The following SPATA16 variants were observed in gnomAD, a reference collection of about 807,000 sequenced individuals.
SPATA16 encodes the protein spermatogenesis associated 16, also known as spermatogenesis-associated protein 16.
SPATA16 carries 36 observed loss-of-function variants against 63.3 expected under a neutral mutation model. The observed-to-expected ratio is 0.57, with a 90% CI of 0.44 to 0.75. The LOEUF (loss-of-function observed/expected upper bound fraction) is 0.75, where lower values mean the gene tolerates loss of function less well. Ranked by LOEUF, SPATA16 falls within the 30% of genes least tolerant of loss-of-function variation. The pLI, the probability that SPATA16 is intolerant of heterozygous loss-of-function variation, is 0.00. For synonymous variants in SPATA16, 203 were observed against 216.7 expected (o/e 0.94, Z 0.56); for missense variants, 646 against 679.3 (o/e 0.95, Z 0.54).
intron 1 of SPATA16, among the ~76,000 whole-genome samples, chr3:173,128,996 T>G (rs1560133477): frequency 6.6e-6 from 1 of 152,254 alleles, no homozygotes; most frequent in Non-Finnish European, 1.5e-5. Flanking sequence ...CATTAGCTGT[T>G]GATGCTAAAG....
At chr3:172,896,977 G>T (rs2109542966) in intron 10 of SPATA16, among the ~76,000 whole-genome samples, 2 of 151,844 alleles carry the variant, frequency 1.3e-5, no homozygotes, top group South Asian at 4.2e-4. Context: ...AAACTTTTAT[G>T]GATTGTGCTT....
chr3:173,101,940 T>C (rs1029256764), intron 2 of SPATA16, among the ~76,000 whole-genome samples: 2 of 152,204 alleles, frequency 1.3e-5, no homozygotes, highest in Admixed American at 6.5e-5. Context: ...GTAACCACCC[T>C]GTCATCATTA....
At chr3:172,891,705 C>G (rs1298001141) in intron 10 of SPATA16, among the ~76,000 whole-genome samples, 1 of 152,162 alleles carries the variant, frequency 6.6e-6, no homozygotes, top group East Asian at 1.9e-4. Context: ...TGGGACATCT[C>G]TCAATTATCT....
chr3:173,131,665 G>A lies in SPATA16; in HGVS notation c.-19+9438C>T, dbSNP rs371286844. ...GAAAATAAAATTTTTGCGGTCTTAC[G>A]AGACAAGGATCCACAGGAGAAAGGG... On this transcript the variant is annotated intron_variant, in intron 1 of 10. Transcript: ENST00000351008. Among the ~76,000 whole-genome samples the A allele has an allele frequency of 8.5e-5, 13 of 152,292 alleles. 1 individual carries two copies. The East Asian group carries it at 1.3e-3, about 16-fold the overall frequency.
intron 4 of SPATA16, among the ~76,000 whole-genome samples, chr3:173,014,333 A>C (rs75399343): frequency 0.012 from 1,785 of 152,342 alleles, 15 homozygotes; most frequent in Non-Finnish European, 0.016. Flanking sequence ...TAACATAGGA[A>C]TAGAAAACCA....
intron 10 of SPATA16, among the ~76,000 whole-genome samples, chr3:172,907,381 G>A (rs547759291): frequency 6.6e-6 from 1 of 152,166 alleles, no homozygotes; most frequent in East Asian, 1.9e-4. Flanking sequence ...TGCAATAACC[G>A]ACTAACTCAT....
At chr3:172,906,144 C>CT (rs1173343620) in intron 10 of SPATA16, among the ~76,000 whole-genome samples, 2 of 151,884 alleles carry the variant, frequency 1.3e-5, no homozygotes, top group Non-Finnish European at 2.9e-5. Flanking sequence ...ACAGTTGGTG[C>CT]TTTTTTTTAA....
intron 2 of SPATA16, among the ~76,000 whole-genome samples, chr3:173,109,452 T>A (rs960944702): frequency 4.6e-5 from 7 of 152,174 alleles, no homozygotes; most frequent in Non-Finnish European, 1.0e-4. Context: ...CCCATCAAAA[T>A]GAGTAATTGC....
intron 3 of SPATA16, among the ~76,000 whole-genome samples, chr3:173,044,534 C>T (rs1009288980): frequency 6.6e-6 from 1 of 152,148 alleles, no homozygotes; most frequent in Admixed American, 6.6e-5. Flanking sequence ...AATGTACTTT[C>T]ATAGGTTTGT....
At chr3:173,104,330 T>C (rs1737570284) in intron 2 of SPATA16, among the ~76,000 whole-genome samples, 1 of 152,202 alleles carries the variant, frequency 6.6e-6, no homozygotes, top group Admixed American at 6.5e-5. Flanking sequence ...TTTATAGCAG[T>C]GCCCGACTCC....
chr3:172,996,990 T>C (rs931822816), intron 4 of SPATA16, among the ~76,000 whole-genome samples: 2 of 152,148 alleles, frequency 1.3e-5, no homozygotes, highest in South Asian at 2.1e-4. Flanking sequence ...TGCCAAACAG[T>C]ATTCTATTGT....
intron 10 of SPATA16, among the ~76,000 whole-genome samples, chr3:172,891,675 A>G (rs1226357490): frequency 1.3e-5 from 2 of 152,186 alleles, no homozygotes; most frequent in Non-Finnish European, 2.9e-5. Flanking sequence ...TCTAACATCA[A>G]TCCATCTGCT....
At position 172,956,765 on chromosome 3, in the gene SPATA16, A is replaced by G; in HGVS notation, c.993T>C (p.Phe331=). ...AESFSVMYTP[F]ATKIRADKIE... ...TTTTATCAGCTCTTATTTTTGTCGC[A>G]AATGGTGTGTACATAACCGAGAAAG... Residue 331 remains phenylalanine, a synonymous_variant, in exon 6 of 11, where the codon TTT becomes TTC. Coordinates refer to ENST00000351008, the MANE Select transcript of SPATA16 (RefSeq NM_031955.6). The G allele has an allele frequency of 1.2e-6, 2 of 1,613,480 alleles. No homozygotes were observed. Among genetic ancestry groups the G allele is most frequent in the Non-Finnish European group, 1.7e-6 (2 of 1,179,612 alleles).
At chr3:172,975,976 T>A (rs1354831317) in intron 5 of SPATA16, among the ~76,000 whole-genome samples, 3 of 152,118 alleles carry the variant, frequency 2.0e-5, no homozygotes, top group African/African-American at 7.2e-5. Context: ...TGATGATTAT[T>A]TCTTACTTTA....
chr3:173,124,119 G>A (rs896710893), intron 1 of SPATA16, among the ~76,000 whole-genome samples: 16 of 152,138 alleles, frequency 1.1e-4, no homozygotes, highest in African/African-American at 2.7e-4. Flanking sequence ...ACTGTACTTC[G>A]TCGTATCTCA....
intron 6 of SPATA16, among the ~76,000 whole-genome samples, chr3:172,947,610 T>C (rs749737338): frequency 4.1e-5 from 6 of 147,676 alleles, no homozygotes; most frequent in Admixed American, 6.6e-5. Context: ...ATAAAAAGGA[T>C]GAGTTCTTGT....
chr3:173,027,242 A>AT (rs1735472643), intron 3 of SPATA16, among the ~76,000 whole-genome samples: 1 of 151,892 alleles, frequency 6.6e-6, no homozygotes, highest in Non-Finnish European at 1.5e-5. Flanking sequence ...AACATAATTG[A>AT]TTTTTTACGT....
At chr3:173,124,921 A>G (rs1441375796) in intron 1 of SPATA16, among the ~76,000 whole-genome samples, 1 of 152,098 alleles carries the variant, frequency 6.6e-6, no homozygotes, top group Non-Finnish European at 1.5e-5. Context: ...TTCAAATACC[A>G]TCATACATAC....
intron 5 of SPATA16, among the ~76,000 whole-genome samples, chr3:172,960,116 T>C (rs918591245): frequency 1.3e-5 from 2 of 152,120 alleles, no homozygotes; most frequent in African/African-American, 2.4e-5. Flanking sequence ...TTACTTTTTA[T>C]AATAAAAGAT....
Sources: allele counts gnomAD v4.1 joint callset (sites outside exome capture counted in the v4.1 genomes callset), GRCh38; gene constraint gnomAD v4.1.1; transcripts MANE v1.5; gene names NCBI Gene and HGNC (gene_info 2026-07-23, HGNC 2026-07-21).